The following CYP19A1 variants were observed in gnomAD, a reference collection of about 807,000 sequenced individuals.
The protein encoded by CYP19A1 is cytochrome P450 family 19 subfamily A member 1.
In CYP19A1, 32 loss-of-function variants were observed where a neutral mutation model predicts 44.4. The ratio of observed to expected loss-of-function variants is 0.72; its 90% CI spans 0.54 to 0.97. The LOEUF is 0.97. Among genes scored for constraint, CYP19A1 ranks in the 50% least tolerant of loss-of-function variants. The pLI, the probability that CYP19A1 is intolerant of heterozygous loss-of-function variation, is 0.00. For synonymous variants in CYP19A1, 212 were observed against 215.6 expected (o/e 0.98, Z 0.14); for missense variants, 598 against 637.8 (o/e 0.94, Z 0.67).
chr15:51,329,947 G>A (rs570790596), intron 1 of CYP19A1, among the ~76,000 whole-genome samples: 1 of 152,204 alleles, frequency 6.6e-6, no homozygotes, highest in Admixed American at 6.5e-5. Context: ...AGTCGGAGCA[G>A]CTAGCCCTCC....
At chr15:51,284,601 C>G (rs1048565169) in intron 1 of CYP19A1, among the ~76,000 whole-genome samples, 2 of 152,120 alleles carry the variant, frequency 1.3e-5, no homozygotes, top group African/African-American at 4.8e-5. Context: ...GGGATATCGA[C>G]TTGGAGAAGG....
chr15:51,282,722 C>T (rs2035566984), intron 1 of CYP19A1, among the ~76,000 whole-genome samples: 1 of 152,180 alleles, frequency 6.6e-6, no homozygotes, highest in African/African-American at 2.4e-5. Flanking sequence ...GACAAAGGCC[C>T]TGGTGAAGGA....
chr15:51,266,078 C>A (rs546030979), intron 1 of CYP19A1, among the ~76,000 whole-genome samples: 22 of 152,352 alleles, frequency 1.4e-4, no homozygotes, highest in African/African-American at 5.1e-4. Context: ...AAAGTCTCCC[C>A]AGCTGTGCAG....
At chr15:51,324,137 A>C (rs930889245) in intron 1 of CYP19A1, among the ~76,000 whole-genome samples, 6 of 152,194 alleles carry the variant, frequency 3.9e-5, no homozygotes, top group Non-Finnish European at 8.8e-5. Flanking sequence ...GTCCAATTTT[A>C]CAATCAAGCA....
chr15:51,282,031 C>G (rs945770231), intron 1 of CYP19A1, among the ~76,000 whole-genome samples: 9 of 152,186 alleles, frequency 5.9e-5, no homozygotes, highest in Non-Finnish European at 1.0e-4. Flanking sequence ...AAGCTTGCCC[C>G]TTGTTGGTTC....
At position 51,242,772 on chromosome 15, in the gene CYP19A1, T is replaced by C. The variant is rs1291979918; in HGVS notation, c.141A>G (p.Ile47Met). ...LVWNYEGTSSIPGPGYCMGIG... is the reference protein window; with the variant it reads ...LVWNYEGTSSMPGPGYCMGIG... ...AGAAATAAATGACTGACTTACCTGG[T>C]ATTGAGGATGTGCCCTCATAATTCC... is the stretch of plus-strand genomic sequence containing the variant. Residue 47 changes from isoleucine to methionine, a missense_variant, in exon 2 of 10, where the codon ATA becomes ATG. Physicochemically the swap from Ile to Met is conservative, Grantham distance 10. Coordinates refer to ENST00000396402, the MANE Select transcript of CYP19A1 (RefSeq NM_000103.4). The C allele has an allele frequency of 1.3e-6, 2 of 1,543,038 alleles. No homozygotes were observed. The highest frequency in any genetic ancestry group is 1.7e-4 in the Middle Eastern group (1 of 5,946).
intron 1 of CYP19A1, among the ~76,000 whole-genome samples, chr15:51,333,732 C>T (rs1217444497): frequency 2.6e-5 from 4 of 152,156 alleles, no homozygotes; most frequent in Admixed American, 1.3e-4. Flanking sequence ...CTCCTCTGGT[C>T]CCTGGCTTGA....
chr15:51,295,707 T>C (rs529834434), intron 1 of CYP19A1, among the ~76,000 whole-genome samples: 1 of 152,288 alleles, frequency 6.6e-6, no homozygotes, highest in South Asian at 2.1e-4. Context: ...CACTGAAGCA[T>C]GGTCTCAGCA....
At chr15:51,283,221 A>G (rs2035586739) in intron 1 of CYP19A1, among the ~76,000 whole-genome samples, 1 of 152,144 alleles carries the variant, frequency 6.6e-6, no homozygotes, top group Admixed American at 6.5e-5. Flanking sequence ...AGAAAGGGAA[A>G]CTGAAAGAAG....
chr15:51,279,227 T>C (rs888702962), intron 1 of CYP19A1: 1 of 152,220 alleles, frequency 6.6e-6, no homozygotes, highest in African/African-American at 2.4e-5. Flanking sequence ...ATTTGTTCCC[T>C]TCCTAGCCTC....
chr15:51,218,322 C>T (rs905358254), intron 6 of CYP19A1: 17 of 590,966 alleles, frequency 2.9e-5, no homozygotes, highest in Admixed American at 1.3e-4. Flanking sequence ...GCCCCCTTGC[C>T]GAGAAGCTGC....
rs777484912 is a variant in CYP19A1 at position 51,210,916 on chromosome 15, A to C, written c.1404T>G (p.Val468=). The change falls in exon 10 of 10, where the codon GTT becomes GTG. Residue 468 remains valine, a synonymous_variant. Transcript: ENST00000396402. The part of the protein sequence containing the change: ...FHVKTLQGQC[V]ESIQKIHDLS... ...AGTCGTGTATCTTCTGTATGCTCTC[A>C]ACACACTGTCCTTGCAATGTCTTCA... 6.2e-7 allele frequency: 1 copy of C among 1,605,620 alleles called. No homozygotes were observed. The highest frequency in any genetic ancestry group is 8.5e-7 in the Non-Finnish European group (1 of 1,172,286).
At chr15:51,337,128 A>G (rs1470001938) in intron 1 of CYP19A1, among the ~76,000 whole-genome samples, 1 of 152,248 alleles carries the variant, frequency 6.6e-6, no homozygotes, top group Non-Finnish European at 1.5e-5. Context: ...AAGCATCTAC[A>G]AAGTGTGATT....
At position 51,285,552 on chromosome 15, in the gene CYP19A1, G is replaced by C. The variant is rs186417110; in HGVS notation, c.-38-42602C>G. Among the ~76,000 whole-genome samples, 16 of 152,358 alleles carry C rather than the reference G, an allele frequency of 1.1e-4. No individual in the cohort carries two copies. The East Asian group carries it at 2.9e-3, about 28-fold the overall frequency. ...GTTTGCATGTCTGACATAATGTCCAGGGCTCGGCGCATAAAACCCCTCGTG... is the reference window on the plus strand; with the variant it reads ...GTTTGCATGTCTGACATAATGTCCACGGCTCGGCGCATAAAACCCCTCGTG... On this transcript the variant is annotated intron_variant, in intron 1 of 9. Transcript: ENST00000396402.
intron 9 of CYP19A1, chr15:51,211,613 T>G: frequency 2.4e-6 from 1 of 418,920 alleles, no homozygotes; most frequent in Non-Finnish European, 4.7e-6. Context: ...CATAGCATTA[T>G]CTGGATTGCC....
rs1201097084 is a variant in CYP19A1, at chr15:51,295,337, C to T, written c.-39+43158G>A. On this transcript the variant is annotated intron_variant, in intron 1 of 9. Transcript: ENST00000396402. ...GAGCGCAGACCAGCCGCACTCCAGC[C>T]CCTCTTCTCTCAGTTTCCTTAGGAT... Among the ~76,000 whole-genome samples the T allele has an allele frequency of 3.9e-5, 6 of 152,156 alleles. No individual in the cohort carries two copies. In the East Asian group the frequency reaches 1.2e-3, roughly 29 times the overall value.
chr15:51,280,661 G>T (rs1039508937), intron 1 of CYP19A1, among the ~76,000 whole-genome samples: 17 of 152,228 alleles, frequency 1.1e-4, no homozygotes, highest in African/African-American at 4.1e-4. Context: ...ATGAGCCACT[G>T]CCCTCACTCA....
At chr15:51,330,163 C>T (rs1566928379) in intron 1 of CYP19A1, among the ~76,000 whole-genome samples, 1 of 151,998 alleles carries the variant, frequency 6.6e-6, no homozygotes, top group African/African-American at 2.4e-5. Context: ...AGAAACAGGG[C>T]AGAGAGAGAG....
rs534075243 is a variant in CYP19A1 at position 51,246,077 on chromosome 15, G to T, written c.-38-3127C>A. Among the ~76,000 whole-genome samples, 4 of 152,284 alleles carry T rather than the reference G, an allele frequency of 2.6e-5. No homozygotes were observed. In the South Asian group the frequency reaches 8.3e-4, roughly 32 times the overall value. ...TTATGGACCTCTGAATGCCACAGCT[G>T]GAAAGGTCCTTTGAGATTCTCTCCT... On this transcript the variant is annotated intron_variant, in intron 1 of 9. Transcript: ENST00000396402.
Sources: gnomAD v4.1 joint callset for allele counts (sites outside exome capture counted in the v4.1 genomes callset) on GRCh38, gnomAD v4.1.1 for gene constraint, MANE v1.5 for transcripts, NCBI Gene and HGNC (gene_info 2026-07-23, HGNC 2026-07-21) for gene names.